Variants in CNTN5 observed in about 807,000 individuals in gnomAD.
The protein encoded by CNTN5 is contactin-5.
Under a neutral mutation model 129.1 loss-of-function variants are expected in CNTN5, and 77 were observed. That is an observed-to-expected ratio of 0.60 (90% CI 0.50 to 0.72). CNTN5 has a LOEUF of 0.72. CNTN5 is among the 30% of genes least tolerant of loss of function. The probability of loss-of-function intolerance (pLI) is 0.00; values close to 1 mark genes in which losing one functional copy is unlikely to be tolerated. For missense variants in CNTN5, 1,478 were observed against 1,328.8 expected (o/e 1.11, Z -1.75); for synonymous variants, 509 against 465.6 (o/e 1.09, Z -1.20).
intron 3 of CNTN5, among the ~76,000 whole-genome samples, chr11:99,596,705 T>G (rs1463313995): frequency 6.6e-6 from 1 of 152,200 alleles, no homozygotes; most frequent in South Asian, 2.1e-4. Context: ...TGTTGGCAGA[T>G]AGCCAATTCT....
rs564465040 is a variant in CNTN5 at position 100,237,085 on chromosome 11, A to T, written c.2005+12273A>T. On this transcript the variant is annotated intron_variant, in intron 16 of 24. Transcript: ENST00000524871. ...GCGCCTCTAGTCCCAGCTACTGGGG[A>T]GGCTGAGGCAGGAGAATGGCGTGAA... 6.7e-5 allele frequency among the ~76,000 whole-genome samples: 10 copies of T among 148,760 alleles called. No homozygotes were observed. In the South Asian group the frequency reaches 2.0e-3, roughly 30 times the overall value.
intron 2 of CNTN5, among the ~76,000 whole-genome samples, chr11:99,395,030 G>A (rs554315371): frequency 1.1e-4 from 17 of 151,920 alleles, no homozygotes; most frequent in African/African-American, 3.4e-4. Context: ...ATAATAGAAC[G>A]ATTTATATTC....
chr11:99,144,172 ACTTTT>A, intron 1 of CNTN5, among the ~76,000 whole-genome samples: 1 of 152,156 alleles, frequency 6.6e-6, no homozygotes, highest in Non-Finnish European at 1.5e-5. Context: ...CATTTCAGGG[ACTTTT>A]AAAAACTGGC....
chr11:99,139,290 C>T (rs1488794458), intron 1 of CNTN5, among the ~76,000 whole-genome samples: 1 of 152,104 alleles, frequency 6.6e-6, no homozygotes, highest in Non-Finnish European at 1.5e-5. Context: ...AACAAAACAA[C>T]AACAAAACTG....
intron 2 of CNTN5, among the ~76,000 whole-genome samples, chr11:99,522,005 T>TA (rs959488478): frequency 1.4e-4 from 22 of 151,924 alleles, no homozygotes; most frequent in Non-Finnish European, 2.8e-4. Context: ...GCTTGGGTAA[T>TA]AAAAAAAATG....
At chr11:100,313,102 T>C (rs1197113580) in intron 21 of CNTN5, among the ~76,000 whole-genome samples, 1 of 152,028 alleles carries the variant, frequency 6.6e-6, no homozygotes, top group Admixed American at 6.6e-5. Flanking sequence ...AAAAAAAGTT[T>C]GTCTTTTATT....
At chr11:99,040,780 G>T (rs1027297293) in intron 1 of CNTN5, among the ~76,000 whole-genome samples, 4 of 152,054 alleles carry the variant, frequency 2.6e-5, no homozygotes, top group Non-Finnish European at 4.4e-5. Flanking sequence ...TAAATGTTTT[G>T]TTGATGAATA....
At chr11:100,292,369 C>A (rs1166558462) in intron 18 of CNTN5, among the ~76,000 whole-genome samples, 1 of 152,054 alleles carries the variant, frequency 6.6e-6, no homozygotes, top group Non-Finnish European at 1.5e-5. Flanking sequence ...ATCCTAACAA[C>A]CCTATTCAAA....
In CNTN5 at chr11:99,403,962, T is replaced by C. The variant is rs183584531; in HGVS notation, c.-71+78478T>C. 2.0e-3 allele frequency among the ~76,000 whole-genome samples: 311 copies of C among 152,266 alleles called. 1 individual carries two copies. Among genetic ancestry groups the C allele is most frequent in the Middle Eastern group, 3.4e-3 (1 of 294 alleles). ...ATGCTAAAAGTGGGGTGTTTAAGTC[T>C]CCAACTATCATTGTATTGGAGTCTA... On this transcript the variant is annotated intron_variant, in intron 2 of 24. Transcript: ENST00000524871.
intron 1 of CNTN5, among the ~76,000 whole-genome samples, chr11:99,050,449 T>A (rs1281397904): frequency 6.6e-6 from 1 of 151,764 alleles, no homozygotes; most frequent in Non-Finnish European, 1.5e-5. Flanking sequence ...ATATTAGTAT[T>A]TGTCAGAAAA....
intron 21 of CNTN5, among the ~76,000 whole-genome samples, chr11:100,318,324 G>T (rs558736312): frequency 6.6e-6 from 1 of 151,650 alleles, no homozygotes; most frequent in East Asian, 1.9e-4. Context: ...TCTAAACAGG[G>T]GTTTCTCATC....
At chr11:99,331,666 A>C (rs1206640313) in intron 2 of CNTN5, among the ~76,000 whole-genome samples, 1 of 152,160 alleles carries the variant, frequency 6.6e-6, no homozygotes, top group Non-Finnish European at 1.5e-5. Context: ...CAACTTTCCA[A>C]GTTTGCAGTT....
At chr11:100,046,147 G>A (rs1565823633) in intron 9 of CNTN5, among the ~76,000 whole-genome samples, 1 of 134,832 alleles carries the variant, frequency 7.4e-6, no homozygotes, top group African/African-American at 2.7e-5. Flanking sequence ...TGGAGTTGGG[G>A]GAGGGGGGAG....
chr11:99,801,086 G>A (rs1218992), intron 3 of CNTN5, among the ~76,000 whole-genome samples: 87,886 of 151,916 alleles, frequency 0.58, 26,201 homozygotes, highest in East Asian at 0.72. Context: ...TCTCATTTCC[G>A]TGTTATTACT....
rs1438093577 is a variant in CNTN5, at chr11:99,929,088, C to G, written c.673+12939C>G. Among the ~76,000 whole-genome samples, 2 of 152,298 alleles carry G rather than the reference C, an allele frequency of 1.3e-5. 1 individual carries two copies. The highest frequency in any genetic ancestry group is 6.8e-3 in the Middle Eastern group (2 of 294). On this transcript the variant is annotated intron_variant, in intron 7 of 24. Transcript: ENST00000524871. ...AGGGTGGGGGCAAAATGCTGCCAGT[C>G]TCTTTGCTAAAACATAGCAAGAGTC...
intron 23 of CNTN5, among the ~76,000 whole-genome samples, chr11:100,343,773 G>A (rs1448094941): frequency 1.3e-5 from 2 of 151,946 alleles, no homozygotes; most frequent in Non-Finnish European, 1.5e-5. Flanking sequence ...ACCAGGGCTG[G>A]GCATGATACT....
chr11:99,252,037 T>G (rs565019282), intron 1 of CNTN5, among the ~76,000 whole-genome samples: 72 of 152,190 alleles, frequency 4.7e-4, no homozygotes, highest in African/African-American at 1.6e-3. Context: ...AATTCTCATT[T>G]TATTCAAATA....
intron 3 of CNTN5, among the ~76,000 whole-genome samples, chr11:99,782,836 A>G (rs1945361988): frequency 6.6e-6 from 1 of 151,890 alleles, no homozygotes; most frequent in Non-Finnish European, 1.5e-5. Context: ...TTCAAGATGG[A>G]TTAAAGACTT....
intron 1 of CNTN5, among the ~76,000 whole-genome samples, chr11:99,168,354 C>A (rs1160695880): frequency 2.6e-5 from 4 of 151,982 alleles, no homozygotes; most frequent in Admixed American, 2.6e-4. Flanking sequence ...GGGGGGACGG[C>A]AGGTCACAAG....
Sources: allele counts gnomAD v4.1 joint callset (sites outside exome capture counted in the v4.1 genomes callset), GRCh38; gene constraint gnomAD v4.1.1; transcripts MANE v1.5; gene names NCBI Gene and HGNC (gene_info 2026-07-23, HGNC 2026-07-21).